DEPDC1B: variants seen among roughly 807,000 people sequenced by gnomAD.
DEPDC1B encodes DEP domain containing 1B, also known as DEP domain-containing protein 1B.
Under a neutral mutation model 66.5 loss-of-function variants are expected in DEPDC1B, and 51 were observed. The observed-to-expected ratio is 0.77, with a 90% CI of 0.61 to 0.97. DEPDC1B has a LOEUF of 0.97. DEPDC1B is among the 50% of genes least tolerant of loss of function. The pLI, the probability that DEPDC1B is intolerant of heterozygous loss-of-function variation, is 0.00. For missense variants in DEPDC1B, 552 were observed against 637.1 expected (o/e 0.87, Z 1.44); for synonymous variants, 226 against 223.6 (o/e 1.01, Z -0.10).
At position 60,700,026 on chromosome 5, in the gene DEPDC1B, G is replaced by T; in HGVS notation, c.48+20C>A. The T allele has an allele frequency of 6.4e-7, 1 of 1,550,550 alleles. No individual in the cohort carries two copies. Among genetic ancestry groups the T allele is most frequent in the Non-Finnish European group, 8.7e-7 (1 of 1,148,366 alleles). The stretch of plus-strand genomic sequence containing the variant: ...TCGCGGCACCGGGTGCTCCGCCCAG[G>T]CCCCAGCACACTCACTCACCAGCCT... On this transcript the variant is annotated intron_variant, in intron 1 of 10. Transcript: ENST00000265036.
chr5:60,684,009 C>CA (rs1269341903), intron 2 of DEPDC1B, among the ~76,000 whole-genome samples: 97 of 140,152 alleles, frequency 6.9e-4, no homozygotes, highest in East Asian at 1.0e-3. Flanking sequence ...ATACTAGCTA[C>CA]AAAAAAAAAA....
chr5:60,605,189 G>A (rs1752284284), intron 8 of DEPDC1B, among the ~76,000 whole-genome samples: 1 of 152,148 alleles, frequency 6.6e-6, no homozygotes, highest in East Asian at 1.9e-4. Context: ...TGGTCAAAGG[G>A]TACAAAGATC....
chr5:60,690,760 GTTTGTT>G (rs1409747071), intron 1 of DEPDC1B, among the ~76,000 whole-genome samples: 1 of 149,976 alleles, frequency 6.7e-6, no homozygotes, highest in Non-Finnish European at 1.5e-5. Context: ...TTGCTTGTTT[GTTTGTT>G]TTTGCCCAAC....
At chr5:60,618,834 A>C (rs1210613950) in intron 7 of DEPDC1B, among the ~76,000 whole-genome samples, 2 of 152,196 alleles carry the variant, frequency 1.3e-5, no homozygotes, top group Non-Finnish European at 2.9e-5. Flanking sequence ...AGACACAACA[A>C]AAAAAGAGAA....
intron 1 of DEPDC1B, among the ~76,000 whole-genome samples, chr5:60,695,255 C>T (rs1754628470): frequency 1.3e-5 from 2 of 152,106 alleles, no homozygotes; most frequent in Non-Finnish European, 2.9e-5. Flanking sequence ...GCAGAGTGTA[C>T]AAGAAACATG....
intron 1 of DEPDC1B, among the ~76,000 whole-genome samples, chr5:60,699,259 C>T (rs1402930297): frequency 6.6e-6 from 1 of 151,988 alleles, no homozygotes; most frequent in Non-Finnish European, 1.5e-5. Flanking sequence ...GAGAGTAATT[C>T]CCATGTTAAA....
At chr5:60,603,596 C>T (rs772636966) in intron 8 of DEPDC1B, 29 bp from the exon 9 acceptor site, 95 of 1,541,538 alleles carry the variant, frequency 6.2e-5, no homozygotes, top group Middle Eastern at 1.7e-4. Context: ...GGGGGGTAAA[C>T]GCAGATGAGT....
intron 2 of DEPDC1B, among the ~76,000 whole-genome samples, chr5:60,677,326 A>ACACTCTCTCTCTCT (rs770640655): frequency 2.0e-4 from 22 of 108,560 alleles, no homozygotes; most frequent in African/African-American, 8.7e-4. Context: ...ACACACACAC[A>ACACTCTCTCTCTCT]CTCTCTCTCT....
chr5:60,614,729 G>A (rs1348206214), intron 7 of DEPDC1B, among the ~76,000 whole-genome samples: 3 of 152,182 alleles, frequency 2.0e-5, no homozygotes, highest in Non-Finnish European at 4.4e-5. Context: ...GGTGGCTGAT[G>A]CCTGTAATCC....
At chr5:60,644,275 T>C (rs1753258681) in intron 5 of DEPDC1B, among the ~76,000 whole-genome samples, 1 of 149,954 alleles carries the variant, frequency 6.7e-6, no homozygotes, top group South Asian at 2.1e-4. Flanking sequence ...TGGTCTAGGG[T>C]GGGAAATATA....
Position 60,699,443 on chromosome 5 carries a change from G to GAAAAAAAAAAAAAAAAAAAAAAAAAAAAA in DEPDC1B, c.48+602_48+603insTTTTTTTTTTTTTTTTTTTTTTTTTTTTT, listed in dbSNP as rs528758437. 2.2e-5 allele frequency among the ~76,000 whole-genome samples: 2 copies of GAAAAAAAAAAAAAAAAAAAAAAAAAAAAA among 89,364 alleles called. 1 individual carries two copies. Among genetic ancestry groups the GAAAAAAAAAAAAAAAAAAAAAAAAAAAAA allele is most frequent in the African/African-American group, 1.1e-4 (2 of 18,190 alleles). 58.6% of individuals were successfully genotyped at this position (89,364 alleles called of 152,430 possible). On this transcript the variant is annotated intron_variant, in intron 1 of 10. Transcript: ENST00000265036. ...CCTCAATACCAAAGCTTTTCTCCCA[G>GAAAAAAAAAAAAAAAAAAAAAAAAAAAAA]AAAAAAAAAAAAAAAAAAACAGGAA...
intron 7 of DEPDC1B, among the ~76,000 whole-genome samples, chr5:60,621,936 T>G (rs530493332): frequency 2.0e-5 from 3 of 152,304 alleles, no homozygotes; most frequent in African/African-American, 7.2e-5. Flanking sequence ...TGCTTTTGAC[T>G]TCTTTATTAC....
At chr5:60,672,307 A>T (rs750492235) in intron 2 of DEPDC1B, among the ~76,000 whole-genome samples, 1 of 152,210 alleles carries the variant, frequency 6.6e-6, no homozygotes, top group African/African-American at 2.4e-5. Flanking sequence ...TGGTATAAAG[A>T]ACTACCTGAG....
intron 1 of DEPDC1B, chr5:60,687,977 C>T (rs925140330): frequency 1.3e-5 from 2 of 154,230 alleles, no homozygotes; most frequent in Admixed American, 1.3e-4. Flanking sequence ...AAACAAAGAA[C>T]ATACAGTAAA....
intron 2 of DEPDC1B, among the ~76,000 whole-genome samples, chr5:60,677,324 ACACTCTCTCTCTCTCT>A (rs752605167): frequency 1.8e-4 from 14 of 78,834 alleles, no homozygotes; most frequent in African/African-American, 8.6e-4. Context: ...ACACACACAC[ACACTCTCTCTCTCTCT>A]CTCTCTCTCT....
intron 2 of DEPDC1B, among the ~76,000 whole-genome samples, chr5:60,674,878 G>A (rs187579249): frequency 2.6e-5 from 4 of 152,276 alleles, no homozygotes; most frequent in Admixed American, 2.6e-4. Context: ...AGACAAAGGA[G>A]GAAAAGGAGG....
At chr5:60,662,091 T>TA (rs527796506) in intron 2 of DEPDC1B, among the ~76,000 whole-genome samples, 1,918 of 147,544 alleles carry the variant, frequency 0.013, 16 homozygotes, top group Non-Finnish European at 0.021. Context: ...CTGCAGACAT[T>TA]AAAAAAAAAA....
chr5:60,617,487 C>A (rs1351585847), intron 7 of DEPDC1B, among the ~76,000 whole-genome samples: 1 of 152,058 alleles, frequency 6.6e-6, no homozygotes, highest in African/African-American at 2.4e-5. Flanking sequence ...GGGTTGCAAT[C>A]CTAGTCTCTG....
chr5:60,677,545 T>C (rs1372048544), intron 2 of DEPDC1B, among the ~76,000 whole-genome samples: 1 of 151,470 alleles, frequency 6.6e-6, no homozygotes, highest in African/African-American at 2.4e-5. Flanking sequence ...TTATTTTTTC[T>C]TTTTTTTATG....
Sources: allele counts gnomAD v4.1 joint callset (sites outside exome capture counted in the v4.1 genomes callset), GRCh38; gene constraint gnomAD v4.1.1; transcripts MANE v1.5; gene names NCBI Gene and HGNC (gene_info 2026-07-23, HGNC 2026-07-21).